Variants in SMAP1 observed in about 807,000 individuals in gnomAD.
The protein encoded by SMAP1 is small ArfGAP 1.
In SMAP1, 24 loss-of-function variants were observed where a neutral mutation model predicts 58.5. The ratio of observed to expected loss-of-function variants is 0.41; its 90% CI spans 0.30 to 0.58. SMAP1 has a LOEUF of 0.58. SMAP1 is among the 20% of genes least tolerant of loss of function. SMAP1 has a pLI of 0.29. For synonymous variants in SMAP1, 216 were observed against 196.6 expected (o/e 1.10, Z -0.82); for missense variants, 563 against 566.3 (o/e 0.99, Z 0.06).
At position 70,675,486 on chromosome 6, in the gene SMAP1, A is replaced by G. The variant is rs1419959265; in HGVS notation, c.118+7345A>G. 3.3e-5 allele frequency among the ~76,000 whole-genome samples: 5 copies of G among 151,968 alleles called. No homozygotes were observed. The East Asian group carries it at 7.7e-4, about 23-fold the overall frequency. On this transcript the variant is annotated intron_variant, in intron 1 of 10. Transcript: ENST00000370455. ...CCCAACATAGTGAAACCCCATCTCT[A>G]TTAAAAATACAAAAATTAGTTGGGT...
intron 1 of SMAP1, among the ~76,000 whole-genome samples, chr6:70,731,784 A>T (rs575549979): frequency 6.6e-6 from 1 of 152,288 alleles, no homozygotes; most frequent in South Asian, 2.1e-4. Context: ...ATTAGTAGTT[A>T]AAAATTTTTT....
At chr6:70,760,049 T>C (rs1266127039) in intron 3 of SMAP1, 1 of 232,828 alleles carries the variant, frequency 4.3e-6, no homozygotes, top group Non-Finnish European at 9.2e-6. Flanking sequence ...CTCCAGACTT[T>C]CCCTCCTGTA....
At chr6:70,789,485 T>C (rs1383404848) in intron 4 of SMAP1, among the ~76,000 whole-genome samples, 1 of 152,092 alleles carries the variant, frequency 6.6e-6, no homozygotes, top group Non-Finnish European at 1.5e-5. Flanking sequence ...TGATTTGTTA[T>C]GAATTCACCT....
At chr6:70,719,581 G>A (rs188361091) in intron 1 of SMAP1, among the ~76,000 whole-genome samples, 113 of 152,204 alleles carry the variant, frequency 7.4e-4, no homozygotes, top group African/African-American at 2.7e-3. Flanking sequence ...TTTGTCTCCT[G>A]TATCAGTCGG....
intron 1 of SMAP1, among the ~76,000 whole-genome samples, chr6:70,679,067 A>C (rs1483767711): frequency 6.7e-6 from 1 of 150,046 alleles, no homozygotes; most frequent in African/African-American, 2.5e-5. Context: ...TCTGTCGCCC[A>C]AGCTGGAGTG....
Position 70,732,523 on chromosome 6 carries a change from GT to G in SMAP1, c.252+14del. 1 of 1,503,128 alleles carries G rather than the reference GT, an allele frequency of 6.7e-7. No homozygotes were observed. The highest frequency in any genetic ancestry group is 8.9e-7 in the Non-Finnish European group (1 of 1,125,538). 93.1% of individuals were successfully genotyped at this position (1,503,128 alleles called of 1,614,324 possible). On this transcript the variant is annotated intron_variant, in intron 2 of 10. Coordinates refer to ENST00000370455, the MANE Select transcript of SMAP1 (RefSeq NM_001044305.3). ...CAGAACAGATACAGGTAAACATGAC[GT>G]TACCAAGAAATTATTTAAAATATTT...
intron 4 of SMAP1, among the ~76,000 whole-genome samples, chr6:70,789,700 G>C (rs959287076): frequency 1.4e-5 from 2 of 139,592 alleles, no homozygotes; most frequent in African/African-American, 5.4e-5. Context: ...AGTCCAGCCT[G>C]GGTAACATAG....
At chr6:70,784,093 C>A (rs556278976) in intron 4 of SMAP1, among the ~76,000 whole-genome samples, 1 of 152,338 alleles carries the variant, frequency 6.6e-6, no homozygotes, top group East Asian at 1.9e-4. Context: ...ATCAGACTAA[C>A]AGCTGACCTC....
intron 6 of SMAP1, among the ~76,000 whole-genome samples, chr6:70,827,086 A>G (rs185695116): frequency 1.3e-5 from 2 of 152,222 alleles, no homozygotes; most frequent in South Asian, 2.1e-4. Context: ...ATAGTAAGGT[A>G]GATTATGAAC....
rs1290953267 is a variant in SMAP1 at position 70,702,786 on chromosome 6, A to G, written c.119-29592A>G. ...GCTGGGACTACAGGTGCGCACCACC[A>G]CACCTGGTTAATTTTTGTGTTTGTT... is the stretch of plus-strand genomic sequence containing the variant. On this transcript the variant is annotated intron_variant, in intron 1 of 10. Transcript: ENST00000370455. Among the ~76,000 whole-genome samples, 6 of 151,884 alleles carry G rather than the reference A, an allele frequency of 4.0e-5. No homozygotes were observed. In the East Asian group the frequency reaches 1.2e-3, roughly 30 times the overall value.
intron 1 of SMAP1, 129 bp downstream of exon 1, chr6:70,668,270 C>G (rs781522668): frequency 1.4e-5 from 13 of 909,344 alleles, no homozygotes; most frequent in Non-Finnish European, 3.2e-6. Context: ...GACTGGAGGG[C>G]GGGTGGCTGA....
intron 1 of SMAP1, among the ~76,000 whole-genome samples, chr6:70,688,738 T>A (rs7747310): frequency 0.14 from 21,505 of 152,238 alleles, 2,872 homozygotes; most frequent in East Asian, 0.55. Context: ...AGCTTAACTT[T>A]ACATCCTCTT....
At chr6:70,805,819 G>C (rs758450120) in intron 6 of SMAP1, among the ~76,000 whole-genome samples, 4 of 152,172 alleles carry the variant, frequency 2.6e-5, no homozygotes, top group Non-Finnish European at 4.4e-5. Context: ...GTTTTCCTGG[G>C]TGTCACCAGC....
intron 1 of SMAP1, among the ~76,000 whole-genome samples, chr6:70,716,960 G>A (rs934989720): frequency 6.6e-6 from 1 of 152,100 alleles, no homozygotes; most frequent in African/African-American, 2.4e-5. Flanking sequence ...TAAGACTACT[G>A]CCTCTACTAG....
At chr6:70,791,610 T>A in intron 4 of SMAP1, 79 bp from the exon 5 acceptor site, 1 of 1,219,370 alleles carries the variant, frequency 8.2e-7, no homozygotes, top group Non-Finnish European at 1.2e-6. Context: ...ATACAGGGAT[T>A]TTTTCTTTCC....
chr6:70,721,300 A>G (rs1289971616), intron 1 of SMAP1, among the ~76,000 whole-genome samples: 2 of 152,286 alleles, frequency 1.3e-5, no homozygotes, highest in South Asian at 2.1e-4. Flanking sequence ...CTCAAGTTCA[A>G]AGTTCCACAA....
chr6:70,810,967 A>G (rs929923112), intron 6 of SMAP1, among the ~76,000 whole-genome samples: 2 of 152,178 alleles, frequency 1.3e-5, no homozygotes, highest in African/African-American at 4.8e-5. Context: ...TCTCTTTGGG[A>G]TAATGAAAAT....
chr6:70,714,975 A>C (rs1316757960), intron 1 of SMAP1, among the ~76,000 whole-genome samples: 1 of 152,054 alleles, frequency 6.6e-6, no homozygotes, highest in East Asian at 1.9e-4. Context: ...CTAATAAGAA[A>C]TAGAGAGTCC....
chr6:70,676,077 G>C (rs984364645), intron 1 of SMAP1, among the ~76,000 whole-genome samples: 7 of 152,294 alleles, frequency 4.6e-5, no homozygotes, highest in Middle Eastern at 3.4e-3. Context: ...GGAGAATTAA[G>C]TGTGTTCATT....
Sources: gnomAD v4.1 joint callset for allele counts (sites outside exome capture counted in the v4.1 genomes callset) on GRCh38, gnomAD v4.1.1 for gene constraint, MANE v1.5 for transcripts, NCBI Gene and HGNC (gene_info 2026-07-23, HGNC 2026-07-21) for gene names.